The following RNF182 variants were observed in gnomAD, a reference collection of about 807,000 sequenced individuals.
RNF182 encodes the protein ring finger protein 182, also known as E3 ubiquitin-protein ligase RNF182.
Under a neutral mutation model 14.4 loss-of-function variants are expected in RNF182, and 15 were observed. The observed-to-expected ratio is 1.04, with a 90% CI of 0.70 to 1.60. RNF182 has a LOEUF of 1.60. RNF182 is among the 40% of genes most tolerant of loss of function. The pLI is 0.00. For missense variants in RNF182, 268 were observed against 294.8 expected, an observed-to-expected ratio of 0.91 and a Z score of 0.67; for synonymous variants, 128 against 122.9, an observed-to-expected ratio of 1.04 and a Z score of -0.27.
At chr6:13,949,534 A>T in intron 1 of RNF182, 1 of 520,250 alleles carries the variant, frequency 1.9e-6, no homozygotes, top group Admixed American at 2.9e-5. Flanking sequence ...AATTGAGGGA[A>T]TCTGTGTTCT....
At chr6:13,941,094 T>C (rs1585033566) in intron 1 of RNF182, among the ~76,000 whole-genome samples, 1 of 152,096 alleles carries the variant, frequency 6.6e-6, no homozygotes. Flanking sequence ...AATTCATTAA[T>C]TGTATTGATC....
chr6:13,939,894 A>G (rs1759245386), intron 1 of RNF182, among the ~76,000 whole-genome samples: 1 of 152,208 alleles, frequency 6.6e-6, no homozygotes, highest in Non-Finnish European at 1.5e-5. Context: ...TGCTGCATTC[A>G]CTTCTTAATC....
intron 1 of RNF182, among the ~76,000 whole-genome samples, chr6:13,972,918 C>T (rs754612915): frequency 6.6e-6 from 1 of 152,216 alleles, no homozygotes; most frequent in Non-Finnish European, 1.5e-5. Context: ...AAGAGGGCCA[C>T]TGTCCTCCAG....
chr6:13,970,750 C>T (rs550790436), intron 1 of RNF182, among the ~76,000 whole-genome samples: 12 of 152,068 alleles, frequency 7.9e-5, no homozygotes, highest in South Asian at 4.2e-4. Flanking sequence ...GTGATAGATA[C>T]GTGACATTTC....
At chr6:13,951,676 C>T (rs566752743) in intron 1 of RNF182, among the ~76,000 whole-genome samples, 10 of 152,234 alleles carry the variant, frequency 6.6e-5, no homozygotes, top group Non-Finnish European at 8.8e-5. Context: ...TACCTTTTTG[C>T]CAGCATGCCA....
chr6:13,950,909 G>T (rs1759574508), intron 1 of RNF182, among the ~76,000 whole-genome samples: 1 of 151,828 alleles, frequency 6.6e-6, no homozygotes, highest in Non-Finnish European at 1.5e-5. Flanking sequence ...TGATTCTCCT[G>T]CCTCAGCCTC....
chr6:13,953,845 G>A (rs545805274), intron 1 of RNF182, among the ~76,000 whole-genome samples: 49 of 152,222 alleles, frequency 3.2e-4, no homozygotes, highest in Non-Finnish European at 4.7e-4. Context: ...TTGAAGGTGA[G>A]GCCATCGCCA....
chr6:13,960,825 T>A (rs1228540043), intron 1 of RNF182, among the ~76,000 whole-genome samples: 1 of 152,176 alleles, frequency 6.6e-6, no homozygotes, highest in Non-Finnish European at 1.5e-5. Context: ...ACATTTTAGT[T>A]TTTCTTGATA....
At chr6:13,970,515 T>A (rs962665181) in intron 1 of RNF182, among the ~76,000 whole-genome samples, 9 of 152,246 alleles carry the variant, frequency 5.9e-5, no homozygotes, top group African/African-American at 2.2e-4. Context: ...TGATTCCATA[T>A]CTTTGCTATT....
At position 13,968,246 on chromosome 6, in the gene RNF182, CA is replaced by C. The variant is rs1760085594; in HGVS notation, c.-366-5963del. Among the ~76,000 whole-genome samples, 3 of 152,206 alleles carry C rather than the reference CA, an allele frequency of 2.0e-5. No individual in the cohort carries two copies. In the South Asian group the frequency reaches 6.2e-4, roughly 32 times the overall value. ...GACTATAAGTGAGAAAAGAAACAAT[CA>C]GGGGCAGAGGTGATGCAAAGACGAT... On this transcript the variant is annotated intron_variant, in intron 1 of 2. Transcript: ENST00000488300.
chr6:13,956,416 C>G (rs1182801939), intron 1 of RNF182, among the ~76,000 whole-genome samples: 1 of 151,972 alleles, frequency 6.6e-6, no homozygotes, highest in Non-Finnish European at 1.5e-5. Context: ...CCTCCACCTC[C>G]CAGATTCAAT....
chr6:13,944,889 T>C (rs1759399272), intron 1 of RNF182, among the ~76,000 whole-genome samples: 1 of 152,226 alleles, frequency 6.6e-6, no homozygotes, highest in Non-Finnish European at 1.5e-5. Flanking sequence ...TATTGTTATA[T>C]AGCAATTTGC....
intron 1 of RNF182, among the ~76,000 whole-genome samples, chr6:13,967,761 A>C (rs1374788595): frequency 6.6e-6 from 1 of 152,160 alleles, no homozygotes; most frequent in Non-Finnish European, 1.5e-5. Context: ...ATAGAGATGG[A>C]GTCTAATATT....
At chr6:13,953,390 G>C (rs1429003153) in intron 1 of RNF182, among the ~76,000 whole-genome samples, 1 of 152,176 alleles carries the variant, frequency 6.6e-6, no homozygotes, top group Non-Finnish European at 1.5e-5. Flanking sequence ...GTGTATGGTG[G>C]GGGGCAGAGG....
chr6:13,956,043 C>T (rs1175179189), intron 1 of RNF182, among the ~76,000 whole-genome samples: 1 of 152,192 alleles, frequency 6.6e-6, no homozygotes, highest in Non-Finnish European at 1.5e-5. Flanking sequence ...ACGTTCAGTA[C>T]TTCTCTTTCT....
In RNF182 at chr6:13,960,575, A is replaced by G. The variant is rs1447970568; in HGVS notation, c.-366-13635A>G. Among the ~76,000 whole-genome samples, 5 of 152,082 alleles carry G rather than the reference A, an allele frequency of 3.3e-5. No individual in the cohort carries two copies. The South Asian group carries it at 1.0e-3, about 32-fold the overall frequency. On this transcript the variant is annotated intron_variant, in intron 1 of 2. Coordinates refer to ENST00000488300, the MANE Select transcript of RNF182 (RefSeq NM_152737.4). ...AAGACGACTTTTCTGTCAATCACAA[A>G]TGTATTGATGAAGGACAGTTGGTGA...
chr6:13,928,303 C>T (rs546601239), intron 1 of RNF182, among the ~76,000 whole-genome samples: 1 of 152,262 alleles, frequency 6.6e-6, no homozygotes, highest in Admixed American at 6.5e-5. Flanking sequence ...TGGTTTTGGA[C>T]ATCAGTCATC....
intron 1 of RNF182, among the ~76,000 whole-genome samples, chr6:13,941,910 A>G (rs1161102108): frequency 6.6e-6 from 1 of 152,082 alleles, no homozygotes; most frequent in Non-Finnish European, 1.5e-5. Flanking sequence ...TACAGTTAGT[A>G]TTTATCTATA....
chr6:13,952,775 A>C (rs1451524342), intron 1 of RNF182, among the ~76,000 whole-genome samples: 1 of 152,190 alleles, frequency 6.6e-6, no homozygotes, highest in Non-Finnish European at 1.5e-5. Context: ...AAGTAAGGGA[A>C]TAAAAAGGTG....
Sources: gnomAD v4.1 joint callset for allele counts (sites outside exome capture counted in the v4.1 genomes callset) on GRCh38, gnomAD v4.1.1 for gene constraint, MANE v1.5 for transcripts, NCBI Gene and HGNC (gene_info 2026-07-23, HGNC 2026-07-21) for gene names.